Variants in PRKAR2A observed in about 807,000 individuals in gnomAD.
PRKAR2A encodes the protein cAMP-dependent protein kinase type II-alpha regulatory subunit.
Under a neutral mutation model 51.9 loss-of-function variants are expected in PRKAR2A, and 29 were observed. The observed-to-expected ratio is 0.56, with a 90% CI of 0.42 to 0.76. PRKAR2A has a LOEUF of 0.76. PRKAR2A is among the 30% of genes least tolerant of loss of function. The pLI, the probability that PRKAR2A is intolerant of heterozygous loss-of-function variation, is 0.00. For missense variants in PRKAR2A, 445 were observed against 512.1 expected, an observed-to-expected ratio of 0.87 and a Z score of 1.26; for synonymous variants, 178 against 186.2, an observed-to-expected ratio of 0.96 and a Z score of 0.36.
At chr3:48,793,501 G>A (rs1332606450) in intron 3 of PRKAR2A, among the ~76,000 whole-genome samples, 2 of 152,062 alleles carry the variant, frequency 1.3e-5, no homozygotes, top group Non-Finnish European at 2.9e-5. Flanking sequence ...TCAACTCCTG[G>A]GGTTCAACTG....
chr3:48,781,442 A>T (rs911188336), intron 5 of PRKAR2A, among the ~76,000 whole-genome samples: 1 of 151,964 alleles, frequency 6.6e-6, no homozygotes. Flanking sequence ...CCCAGGTTCA[A>T]GCAACTCTCC....
At chr3:48,782,510 T>G (rs1303742264) in intron 5 of PRKAR2A, among the ~76,000 whole-genome samples, 26 of 151,908 alleles carry the variant, frequency 1.7e-4, no homozygotes. Context: ...CTCAGCTCAC[T>G]GCAACAACCT....
chr3:48,787,033 A>C lies in PRKAR2A; in HGVS notation c.435+3511T>G, dbSNP rs561257178. 3.2e-4 allele frequency among the ~76,000 whole-genome samples: 49 copies of C among 152,328 alleles called. No individual in the cohort carries two copies. In the South Asian group the frequency reaches 0.01, roughly 32 times the overall value. On this transcript the variant is annotated intron_variant, in intron 4 of 10. Transcript: ENST00000265563. ...CTTCAAAGTGTCAAGATTATGAAAG[A>C]CAAGTAAAGACTGAAAACTGCCACA... is the stretch of plus-strand genomic sequence containing the variant.
downstream of PRKAR2A, among the ~76,000 whole-genome samples, chr3:48,745,539 T>G (rs1368063424): frequency 6.8e-6 from 1 of 146,456 alleles, no homozygotes; most frequent in South Asian, 2.2e-4. Context: ...TTTTTTTTTT[T>G]TTTTTTTTTT....
chr3:48,833,033 C>T (rs1033222331), intron 1 of PRKAR2A, among the ~76,000 whole-genome samples: 1 of 152,232 alleles, frequency 6.6e-6, no homozygotes, highest in African/African-American at 2.4e-5. Context: ...GACAACATTT[C>T]AAAAGCTGCT....
chr3:48,841,788 T>C (rs2107467989), intron 1 of PRKAR2A, among the ~76,000 whole-genome samples: 1 of 152,280 alleles, frequency 6.6e-6, no homozygotes, highest in Middle Eastern at 3.4e-3. Flanking sequence ...TTGTATGCAA[T>C]GTATTTTTCA....
At chr3:48,789,225 T>C (rs1366636994) in intron 4 of PRKAR2A, among the ~76,000 whole-genome samples, 1 of 152,088 alleles carries the variant, frequency 6.6e-6, no homozygotes, top group Non-Finnish European at 1.5e-5. Flanking sequence ...CTCAGAAAAA[T>C]ACAGCAGTCC....
At chr3:48,759,749 C>G (rs2081835553) in intron 8 of PRKAR2A, among the ~76,000 whole-genome samples, 1 of 152,166 alleles carries the variant, frequency 6.6e-6, no homozygotes, top group Non-Finnish European at 1.5e-5. Flanking sequence ...AAAGAACATT[C>G]CATTCTACAT....
chr3:48,762,000 G>T (rs757428007), intron 8 of PRKAR2A, among the ~76,000 whole-genome samples: 30 of 152,166 alleles, frequency 2.0e-4, no homozygotes, highest in Admixed American at 4.6e-4. Context: ...AAACTTAGGA[G>T]AACATATTAT....
intron 1 of PRKAR2A, among the ~76,000 whole-genome samples, chr3:48,818,100 A>C (rs1419402725): frequency 6.6e-6 from 1 of 152,172 alleles, no homozygotes; most frequent in Non-Finnish European, 1.5e-5. Context: ...ACCATCTAAC[A>C]AACTCTACTA....
intron 1 of PRKAR2A, among the ~76,000 whole-genome samples, chr3:48,817,665 A>T (rs1684731623): frequency 6.7e-6 from 1 of 149,722 alleles, no homozygotes; most frequent in African/African-American, 2.4e-5. Flanking sequence ...ATAAATAAAT[A>T]AAATAAATAA....
intron 5 of PRKAR2A, among the ~76,000 whole-genome samples, chr3:48,776,960 T>G (rs2082115027): frequency 6.6e-6 from 1 of 152,208 alleles, no homozygotes; most frequent in Non-Finnish European, 1.5e-5. Flanking sequence ...ATTCCATTAG[T>G]CGACTCCATT....
intron 2 of PRKAR2A, among the ~76,000 whole-genome samples, chr3:48,801,029 T>C (rs2082581287): frequency 6.6e-6 from 1 of 152,116 alleles, no homozygotes; most frequent in South Asian, 2.1e-4. Flanking sequence ...TCGTCCAGAA[T>C]GGAATGCAGT....
intron 4 of PRKAR2A, among the ~76,000 whole-genome samples, chr3:48,787,289 G>A (rs536713038): frequency 2.6e-5 from 4 of 152,112 alleles, no homozygotes; most frequent in East Asian, 1.9e-4. Context: ...GGGTTCAAGC[G>A]ATTCTTCTGC....
At chr3:48,761,704 C>A (rs1330719977) in intron 8 of PRKAR2A, among the ~76,000 whole-genome samples, 2 of 152,140 alleles carry the variant, frequency 1.3e-5, no homozygotes, top group Admixed American at 6.6e-5. Context: ...CCTCTGCCTC[C>A]CAAGTTCAAA....
intron 1 of PRKAR2A, among the ~76,000 whole-genome samples, chr3:48,841,543 CAAAAAAAAAAAAAAAAA>C (rs397874491): frequency 1.7e-5 from 1 of 59,538 alleles, no homozygotes; most frequent in Non-Finnish European, 3.0e-5. Flanking sequence ...GACTCTGTCT[CAAAAAAAAAAAAAAAAA>C]AAAAAAAAGG....
rs78494849 is a variant in PRKAR2A at position 48,822,536 on chromosome 3, A to T, written c.263-14852T>A. 6.2e-3 allele frequency among the ~76,000 whole-genome samples: 941 copies of T among 152,294 alleles called. 14 individuals carry two copies. Among genetic ancestry groups the T allele is most frequent in the African/African-American group, 0.022 (898 of 41,568 alleles). On this transcript the variant is annotated intron_variant, in intron 1 of 10. Transcript: ENST00000265563. Reference sequence around the variant, plus strand: ...TATACTCTAATAAAAGAAAAAGCAAATTAGCAAAATTAAGCCATTTTCATT... The same window carrying T: ...TATACTCTAATAAAAGAAAAAGCAATTTAGCAAAATTAAGCCATTTTCATT...
intron 1 of PRKAR2A, among the ~76,000 whole-genome samples, chr3:48,839,370 T>C (rs1332771928): frequency 6.7e-6 from 1 of 149,778 alleles, no homozygotes; most frequent in East Asian, 1.9e-4. Context: ...TTGACTTGTA[T>C]GTGAAGCATA....
chr3:48,760,234 G>T (rs1023082689), intron 8 of PRKAR2A, among the ~76,000 whole-genome samples: 1 of 152,264 alleles, frequency 6.6e-6, no homozygotes, highest in African/African-American at 2.4e-5. Flanking sequence ...ATGCATGCCT[G>T]TAGTTCCAGC....
Sources: gnomAD v4.1 joint callset for allele counts (sites outside exome capture counted in the v4.1 genomes callset) on GRCh38, gnomAD v4.1.1 for gene constraint, MANE v1.5 for transcripts, NCBI Gene and HGNC (gene_info 2026-07-23, HGNC 2026-07-21) for gene names.